Variants in WDR72 observed in about 807,000 individuals in gnomAD.
The protein encoded by WDR72 is WD repeat domain 72.
In WDR72, 120 loss-of-function variants were observed where a neutral mutation model predicts 124.2. The ratio of observed to expected loss-of-function variants is 0.97; its 90% CI spans 0.83 to 1.12. The LOEUF (loss-of-function observed/expected upper bound fraction) is 1.12, where lower values mean the gene tolerates loss of function less well. Ranked by LOEUF, WDR72 falls within the 50% of genes most tolerant of loss-of-function variation. The pLI is 0.00. For synonymous variants in WDR72, 452 were observed against 441.7 expected (o/e 1.02, Z -0.29); for missense variants, 1,387 against 1,278.8 (o/e 1.08, Z -1.29).
chr15:53,622,471 T>C (rs971048160), intron 14 of WDR72, among the ~76,000 whole-genome samples: 1 of 152,004 alleles, frequency 6.6e-6, no homozygotes, highest in Non-Finnish European at 1.5e-5. Context: ...ATGTGTCTTT[T>C]ACAGGGACAA....
At chr15:53,751,421 G>A (rs2018770840) in intron 1 of WDR72, among the ~76,000 whole-genome samples, 1 of 152,104 alleles carries the variant, frequency 6.6e-6, no homozygotes, top group Admixed American at 6.6e-5. Context: ...CTTGCAGAAG[G>A]CTCAGATGAT....
chr15:53,528,600 ATGT>A (rs907476570), intron 18 of WDR72, among the ~76,000 whole-genome samples: 33 of 152,178 alleles, frequency 2.2e-4, no homozygotes, highest in Admixed American at 2.6e-4. Context: ...ATTTTCTGAA[ATGT>A]TGTGAAGAGT....
chr15:53,643,647 C>T (rs1163435326), intron 14 of WDR72, among the ~76,000 whole-genome samples: 1 of 152,048 alleles, frequency 6.6e-6, no homozygotes, highest in Non-Finnish European at 1.5e-5. Context: ...CTGGTCTTTT[C>T]TAACTCCTCA....
rs1322159279 is a variant in WDR72 at position 53,714,424 on chromosome 15, C to G, written c.591+10G>C. On this transcript the variant is annotated intron_variant, in intron 6 of 19. Transcript: ENST00000360509. ...TTGTAAGGAAAAAAGAGTAGGGTTC[C>G]CAAGCCAACCTGAATGCTGTTGATA... is the stretch of plus-strand genomic sequence containing the variant. The G allele has an allele frequency of 6.2e-7, 1 of 1,611,488 alleles. No homozygotes were observed. Among genetic ancestry groups the G allele is most frequent in the Non-Finnish European group, 8.5e-7 (1 of 1,178,304 alleles).
chr15:53,550,897 C>A (rs1185079116), intron 18 of WDR72, among the ~76,000 whole-genome samples: 1 of 152,046 alleles, frequency 6.6e-6, no homozygotes, highest in Admixed American at 6.6e-5. Context: ...GACACACAAT[C>A]TGTACATAAA....
rs1306411735 is a variant in WDR72 at position 53,742,265 on chromosome 15, A to T, written c.-12-9104T>A. Among the ~76,000 whole-genome samples, 4 of 152,318 alleles carry T rather than the reference A, an allele frequency of 2.6e-5. No homozygotes were observed. In the East Asian group the frequency reaches 5.8e-4, roughly 22 times the overall value. ...CTGATATCCCTAATAATTCCCTAGG[A>T]ATCTCTAAGTGAAAATAAACCTCAA... is the stretch of plus-strand genomic sequence containing the variant. On this transcript the variant is annotated intron_variant, in intron 1 of 19. Transcript: ENST00000360509.
intron 14 of WDR72, among the ~76,000 whole-genome samples, chr15:53,659,708 A>G (rs891209739): frequency 1.3e-5 from 2 of 152,156 alleles, no homozygotes; most frequent in Non-Finnish European, 2.9e-5. Context: ...GTTATAAAAA[A>G]AAAAAAGGAT....
chr15:53,749,416 T>G (rs2018721489), intron 1 of WDR72, among the ~76,000 whole-genome samples: 1 of 152,104 alleles, frequency 6.6e-6, no homozygotes, highest in African/African-American at 2.4e-5. Context: ...CAAACTTAAT[T>G]GGTAAATTAA....
At chr15:53,675,391 ACTCT>A (rs1384814212) in intron 13 of WDR72, among the ~76,000 whole-genome samples, 2 of 151,778 alleles carry the variant, frequency 1.3e-5, no homozygotes, top group Admixed American at 6.6e-5. Context: ...TTTTAACCTC[ACTCT>A]AAGACTAAAT....
chr15:53,693,974 G>T (rs1304698116), intron 13 of WDR72, among the ~76,000 whole-genome samples: 2 of 152,132 alleles, frequency 1.3e-5, no homozygotes, highest in Admixed American at 1.3e-4. Context: ...GGAACTAGAA[G>T]AAATGAACAA....
At chr15:53,563,771 T>C (rs563319430) in intron 18 of WDR72, among the ~76,000 whole-genome samples, 99 of 151,910 alleles carry the variant, frequency 6.5e-4, no homozygotes, top group Non-Finnish European at 1.2e-3. Flanking sequence ...CTTGATGTAA[T>C]AGTAAGCAAG....
At chr15:53,738,774 T>C (rs1595883551) in intron 1 of WDR72, among the ~76,000 whole-genome samples, 1 of 152,132 alleles carries the variant, frequency 6.6e-6, no homozygotes, top group Admixed American at 6.5e-5. Flanking sequence ...GCCTAGCTAA[T>C]TTTTTTATTT....
chr15:53,687,066 G>C (rs1344103988), intron 13 of WDR72, among the ~76,000 whole-genome samples: 5 of 150,744 alleles, frequency 3.3e-5, no homozygotes, highest in Non-Finnish European at 7.4e-5. Context: ...AAAGCACTGT[G>C]TAGAGGGAAA....
At chr15:53,568,166 A>G (rs903587188) in intron 18 of WDR72, among the ~76,000 whole-genome samples, 1 of 151,376 alleles carries the variant, frequency 6.6e-6, no homozygotes, top group South Asian at 2.1e-4. Flanking sequence ...ATTTAAAAAA[A>G]TTACATCAAA....
Position 53,715,178 on chromosome 15 carries a change from A to T in WDR72, c.514+15T>A. 1 of 1,613,614 alleles carries T rather than the reference A, an allele frequency of 6.2e-7. No homozygotes were observed. On this transcript the variant is annotated intron_variant, in intron 5 of 19. Transcript: ENST00000360509. ...TATGCAATCTCTCTACTGTCAGATAATATCCAACTATTACCTTGAATTCTC... is the reference window on the plus strand; with the variant it reads ...TATGCAATCTCTCTACTGTCAGATATTATCCAACTATTACCTTGAATTCTC...
At chr15:53,602,127 T>C (rs2013071437) in intron 17 of WDR72, among the ~76,000 whole-genome samples, 2 of 152,050 alleles carry the variant, frequency 1.3e-5, no homozygotes, top group Non-Finnish European at 1.5e-5. Flanking sequence ...ACTGAAATCA[T>C]AACAAACAGT....
chr15:53,595,396 GA>G (rs1352191771), intron 18 of WDR72, among the ~76,000 whole-genome samples: 1 of 152,078 alleles, frequency 6.6e-6, no homozygotes, highest in African/African-American at 2.4e-5. Context: ...GGGACTGCAG[GA>G]ACCTCCTTAT....
intron 14 of WDR72, among the ~76,000 whole-genome samples, chr15:53,623,319 T>C (rs1312971752): frequency 2.0e-5 from 3 of 152,084 alleles, no homozygotes; most frequent in Non-Finnish European, 4.4e-5. Context: ...ATCTTTATGT[T>C]CATGAGTACT....
chr15:53,617,872 T>TAAAC (rs2013830398), intron 14 of WDR72, among the ~76,000 whole-genome samples: 1 of 151,968 alleles, frequency 6.6e-6, no homozygotes, highest in Non-Finnish European at 1.5e-5. Context: ...GATACCTTCA[T>TAAAC]AAACAATAAA....
Sources: allele counts gnomAD v4.1 joint callset (sites outside exome capture counted in the v4.1 genomes callset), GRCh38; gene constraint gnomAD v4.1.1; transcripts MANE v1.5; gene names NCBI Gene and HGNC (gene_info 2026-07-23, HGNC 2026-07-21).